The following KIAA0825 variants were observed in gnomAD, a reference collection of about 807,000 sequenced individuals.
KIAA0825 encodes KIAA0825.
A neutral mutation model predicts 147.6 loss-of-function variants in KIAA0825; 119 were observed. The ratio of observed to expected loss-of-function variants is 0.81; its 90% CI spans 0.69 to 0.94. KIAA0825 has a LOEUF of 0.94. KIAA0825 is among the 40% of genes least tolerant of loss of function. The pLI is 0.00. For missense variants in KIAA0825, 1,381 were observed against 1,472.7 expected (o/e 0.94, Z 1.02); for synonymous variants, 470 against 518.1 (o/e 0.91, Z 1.26).
intron 20 of KIAA0825, among the ~76,000 whole-genome samples, chr5:94,302,218 G>C (rs1778454206): frequency 6.6e-6 from 1 of 152,048 alleles, no homozygotes; most frequent in South Asian, 2.1e-4. Flanking sequence ...TTCAGCCCCA[G>C]TTGCGCTTCA....
At chr5:94,390,353 G>A (rs1033426743) in intron 18 of KIAA0825, among the ~76,000 whole-genome samples, 7 of 152,156 alleles carry the variant, frequency 4.6e-5, no homozygotes, top group African/African-American at 1.2e-4. Flanking sequence ...TGGCCAATCC[G>A]AATGGCCAAG....
intron 20 of KIAA0825, among the ~76,000 whole-genome samples, chr5:94,352,578 C>T (rs906786933): frequency 6.6e-6 from 1 of 152,110 alleles, no homozygotes; most frequent in Non-Finnish European, 1.5e-5. Context: ...TATATCTACC[C>T]AGAGGGAAAA....
rs535007958 is a variant in KIAA0825, at chr5:94,385,839, T to A, written c.3619+403A>T. Among the ~76,000 whole-genome samples the A allele has an allele frequency of 9.2e-5, 14 of 152,314 alleles. No individual in the cohort carries two copies. The South Asian group carries it at 2.5e-3, about 27-fold the overall frequency. ...GCTCAGTGCTCTATTTATAATTAATTTTAACTATTTTCTAATTTGCCTGAT... is the reference window on the plus strand; with the variant it reads ...GCTCAGTGCTCTATTTATAATTAATATTAACTATTTTCTAATTTGCCTGAT... On this transcript the variant is annotated intron_variant, in intron 19 of 20. Transcript: ENST00000682413.
At chr5:94,379,632 T>C (rs898536641) in intron 20 of KIAA0825, among the ~76,000 whole-genome samples, 1 of 152,136 alleles carries the variant, frequency 6.6e-6, no homozygotes, top group Non-Finnish European at 1.5e-5. Context: ...CTGTGAAGAA[T>C]GTTATTGGTA....
At chr5:94,238,175 A>T (rs1203698913) in intron 20 of KIAA0825, among the ~76,000 whole-genome samples, 1 of 152,192 alleles carries the variant, frequency 6.6e-6, no homozygotes, top group African/African-American at 2.4e-5. Context: ...GGATTGATGG[A>T]TGGGTGGCAA....
At chr5:94,310,179 AG>A (rs1779034497) in intron 20 of KIAA0825, among the ~76,000 whole-genome samples, 1 of 151,718 alleles carries the variant, frequency 6.6e-6, no homozygotes, top group Non-Finnish European at 1.5e-5. Context: ...AATAGATAAA[AG>A]GTAGCTTTAT....
chr5:94,213,929 C>T (rs1772975712), intron 20 of KIAA0825, among the ~76,000 whole-genome samples: 1 of 152,200 alleles, frequency 6.6e-6, no homozygotes, highest in Non-Finnish European at 1.5e-5. Context: ...ATGCACACTA[C>T]TTTAGACTCC....
Position 94,375,761 on chromosome 5 carries a change from G to T in KIAA0825, c.3710+8607C>A, listed in dbSNP as rs530252570. On this transcript the variant is annotated intron_variant, in intron 20 of 20. Coordinates refer to ENST00000682413, the MANE Select transcript of KIAA0825 (RefSeq NM_001145678.3). ...GCAGGAGGGATTTGGGAGCTTGAAC[G>T]GGGGGAGACAACCAAAGCGAAAATT... is the stretch of plus-strand genomic sequence containing the variant. Among the ~76,000 whole-genome samples the T allele has an allele frequency of 3.9e-5, 6 of 152,244 alleles. No homozygotes were observed. The East Asian group carries it at 9.7e-4, about 25-fold the overall frequency.
chr5:94,330,078 C>A (rs1781113593), intron 20 of KIAA0825, among the ~76,000 whole-genome samples: 1 of 152,098 alleles, frequency 6.6e-6, no homozygotes. Flanking sequence ...CCCTCAGTAT[C>A]CTGATTTGAT....
chr5:94,308,820 T>C (rs1778913870), intron 20 of KIAA0825, among the ~76,000 whole-genome samples: 1 of 151,564 alleles, frequency 6.6e-6, no homozygotes, highest in Non-Finnish European at 1.5e-5. Flanking sequence ...TAAAAAGTCC[T>C]TTCCATTCAG....
rs1227231204 is a variant in KIAA0825, at chr5:94,618,544, T to C, written c.-197A>G. 1 of 153,234 alleles carries C rather than the reference T, an allele frequency of 6.5e-6. No homozygotes were observed. Among genetic ancestry groups the C allele is most frequent in the Non-Finnish European group, 1.5e-5 (1 of 68,186 alleles). The allele number at this position is 153,234 out of a possible 1,614,324, so 9.5% of individuals were successfully genotyped here. A position where few individuals can be genotyped will look rare whatever the true frequency, so the allele number is the denominator to read the frequency against. On this transcript the variant is annotated 5_prime_UTR_variant, in exon 1 of 21. Transcript: ENST00000682413. ...CTGATCTAGCAAGAGCCTGACCCGCTGGCCAGACTCAAGCTCTGCACCAGG... is the reference window on the plus strand; with the variant it reads ...CTGATCTAGCAAGAGCCTGACCCGCCGGCCAGACTCAAGCTCTGCACCAGG...
At chr5:94,272,125 AAAAAAAAC>A (rs1777020363) in intron 20 of KIAA0825, among the ~76,000 whole-genome samples, 1 of 151,368 alleles carries the variant, frequency 6.6e-6, no homozygotes, top group African/African-American at 2.4e-5. Flanking sequence ...AAAAAAAAAA[AAAAAAAAC>A]TAAGACAATT....
At chr5:94,411,230 T>TA (rs1752727221) in intron 15 of KIAA0825, among the ~76,000 whole-genome samples, 2 of 151,830 alleles carry the variant, frequency 1.3e-5, no homozygotes, top group Admixed American at 1.3e-4. Flanking sequence ...TTAGAAAAGG[T>TA]AAAATGGAAT....
chr5:94,564,206 T>G (rs1184214914), intron 2 of KIAA0825, among the ~76,000 whole-genome samples: 1 of 148,308 alleles, frequency 6.7e-6, no homozygotes, highest in African/African-American at 2.5e-5. Flanking sequence ...TTTCTTTCTA[T>G]TCCCCTTGTT....
rs184012614 is a variant in KIAA0825, at chr5:94,508,028, T to G, written c.970+12220A>C. Among the ~76,000 whole-genome samples the G allele has an allele frequency of 4.6e-3, 700 of 152,330 alleles. 5 individuals carry two copies. The highest frequency in any genetic ancestry group is 0.016 in the African/African-American group (667 of 41,578). On this transcript the variant is annotated intron_variant, in intron 5 of 20. Transcript: ENST00000682413. ...TCAGTCTGTCTTGAAGACGGTGAAC[T>G]TAAAAGTAGTGTTATTTTTTCTTTT...
chr5:94,205,362 C>A (rs1034413731), intron 20 of KIAA0825, among the ~76,000 whole-genome samples: 1 of 146,498 alleles, frequency 6.8e-6, no homozygotes, highest in African/African-American at 2.5e-5. Context: ...AGTGTTGTGG[C>A]GTGATCTCGG....
At chr5:94,342,273 CA>C (rs1782492718) in intron 20 of KIAA0825, among the ~76,000 whole-genome samples, 2 of 151,630 alleles carry the variant, frequency 1.3e-5, no homozygotes, top group South Asian at 4.2e-4. Flanking sequence ...AATAGAGATA[CA>C]GCTAGTAAAA....
At chr5:94,435,401 C>T (rs1314144893) in intron 14 of KIAA0825, among the ~76,000 whole-genome samples, 1 of 151,402 alleles carries the variant, frequency 6.6e-6, no homozygotes, top group African/African-American at 2.4e-5. Flanking sequence ...CTTTCTGTTC[C>T]TGTGTCAGTG....
chr5:94,391,434 T>C (rs1584352889), intron 18 of KIAA0825, 101 bp downstream of exon 18: 6 of 1,131,376 alleles, frequency 5.3e-6, no homozygotes, highest in South Asian at 4.3e-5. Context: ...GTATTGACTT[T>C]AAGAAGTATT....
Sources: gnomAD v4.1 joint callset for allele counts (sites outside exome capture counted in the v4.1 genomes callset) on GRCh38, gnomAD v4.1.1 for gene constraint, MANE v1.5 for transcripts, NCBI Gene and HGNC (gene_info 2026-07-23, HGNC 2026-07-21) for gene names.